POLR1B: variants seen among roughly 807,000 people sequenced by gnomAD.
POLR1B encodes the protein RNA polymerase I subunit B, also known as DNA-directed RNA polymerase I subunit RPA2.
Under a neutral mutation model 105.8 loss-of-function variants are expected in POLR1B, and 30 were observed. The ratio of observed to expected loss-of-function variants is 0.28; its 90% CI spans 0.21 to 0.38. The LOEUF (loss-of-function observed/expected upper bound fraction) is 0.38. POLR1B is among the 10% of genes least tolerant of loss of function. The pLI is 1.00. For missense variants in POLR1B, 976 were observed against 1,435.8 expected, an observed-to-expected ratio of 0.68 and a Z score of 5.17; for synonymous variants, 485 against 505.1, an observed-to-expected ratio of 0.96 and a Z score of 0.53.
At position 112,568,041 on chromosome 2, in the gene POLR1B, C is replaced by G; in HGVS notation, c.1821C>G (p.Tyr607Ter). Residue 607 changes from tyrosine (Y) to a stop codon, truncating the protein, a stop_gained, in exon 11 of 15, where the codon TAC becomes TAG. Transcript: ENST00000263331. LOFTEE classifies it high-confidence loss of function. ...LIPMTGKPSL[Y>*]PGLFLFTTPC... ...CCATGACAGGAAAACCAAGTCTGTACCCAGGATTGTTCCTTTTTACCACTC... is the reference window on the plus strand; with the variant it reads ...CCATGACAGGAAAACCAAGTCTGTAGCCAGGATTGTTCCTTTTTACCACTC... 2 of 1,614,042 alleles carry G rather than the reference C, an allele frequency of 1.2e-6. No homozygotes were observed. Among genetic ancestry groups the G allele is most frequent in the Non-Finnish European group, 1.7e-6 (2 of 1,179,886 alleles).
rs1265668626 is a variant in POLR1B, at chr2:112,542,558, C to T, written c.64C>T (p.Pro22Ser). 3.7e-6 allele frequency: 6 copies of T among 1,614,064 alleles called. No individual in the cohort carries two copies. In the African/African-American group the frequency reaches 8.0e-5, roughly 22 times the overall value. ...GCCTAGCCTAAAGCACTTGACTGAC[C>T]CCTCTTATGGAATCCCGCGGGAACA... ...SGPSLKHLTD[P>S]SYGIPREQQK... Residue 22 changes from proline (P) to serine (S), a missense_variant, in exon 1 of 15, where the codon CCC becomes TCC. Pro to Ser is a moderately conservative substitution (Grantham distance 74, BLOSUM62 -1). Coordinates refer to ENST00000263331, the MANE Select transcript of POLR1B (RefSeq NM_019014.6).
rs923794611 is a variant in POLR1B at position 112,568,973 on chromosome 2, T to C, written c.2074+71T>C. On this transcript the variant is annotated intron_variant, in intron 12 of 14. Transcript: ENST00000263331. Reference sequence around the variant, plus strand: ...TTGATACTAGCACACTCTTTTATTGTCCTTATTTACATATGCTGACCATTT... The same window carrying C: ...TTGATACTAGCACACTCTTTTATTGCCCTTATTTACATATGCTGACCATTT... 10 of 1,454,074 alleles carry C rather than the reference T, an allele frequency of 6.9e-6. No individual in the cohort carries two copies. The African/African-American group carries it at 1.1e-4, about 16-fold the overall frequency. 90.1% of individuals were successfully genotyped at this position (1,454,074 alleles called of 1,614,324 possible).
At chr2:112,563,895 T>G (rs1684141520) in intron 9 of POLR1B, among the ~76,000 whole-genome samples, 1 of 152,118 alleles carries the variant, frequency 6.6e-6, no homozygotes, top group African/African-American at 2.4e-5. Flanking sequence ...AGACCCTGTC[T>G]CAAAAATAAA....
At chr2:112,560,059 C>G (rs182265401) in intron 9 of POLR1B, among the ~76,000 whole-genome samples, 1 of 151,524 alleles carries the variant, frequency 6.6e-6, no homozygotes, top group Non-Finnish European at 1.5e-5. Context: ...TGTAGAAGGC[C>G]GAATGCATTC....
At position 112,547,166 on chromosome 2, in the gene POLR1B, G is replaced by T; in HGVS notation, c.332G>T (p.Arg111Leu). The T allele has an allele frequency of 6.2e-7, 1 of 1,614,094 alleles. No homozygotes were observed. Among genetic ancestry groups the T allele is most frequent in the Non-Finnish European group, 8.5e-7 (1 of 1,180,004 alleles). ...AECRGRRSTY[R>L]GKLTADINWA... is the part of the protein sequence containing the mutation. ...TGCCGGGGCCGAAGGAGTACCTACC[G>T]TGGGAAGTTGACAGTGAGTACTAGT... Residue 111 changes from arginine to leucine, a missense_variant, in exon 2 of 15, where the codon CGT (arginine) becomes CTT (leucine). By Grantham distance (102) the Arg-to-Leu change is moderately radical (BLOSUM62 -2). Coordinates refer to ENST00000263331, the MANE Select transcript of POLR1B (RefSeq NM_019014.6).
chr2:112,562,654 G>T (rs1684050233), intron 9 of POLR1B, among the ~76,000 whole-genome samples: 2 of 151,846 alleles, frequency 1.3e-5, no homozygotes, highest in South Asian at 4.1e-4. Flanking sequence ...TCTTGCCTCA[G>T]TGTTGCTGGC....
In POLR1B at chr2:112,547,683, A is replaced by G. The variant is rs113021426; in HGVS notation, c.492+116A>G. ...TCCAATTTCTGGATAGGTGAAAGAG[A>G]TATCAGTATCTTGCCTGCATACAGT... On this transcript the variant is annotated intron_variant, in intron 3 of 14. Coordinates refer to ENST00000263331, the MANE Select transcript of POLR1B (RefSeq NM_019014.6). 9.3e-6 allele frequency: 11 copies of G among 1,178,292 alleles called. 1 individual carries two copies. In the African/African-American group the frequency reaches 1.1e-4, roughly 12 times the overall value. The allele number at this position is 1,178,292 out of a possible 1,614,324, so 73.0% of individuals were successfully genotyped here. A position where few individuals can be genotyped will look rare whatever the true frequency, so the allele number is the denominator to read the frequency against.
At chr2:112,573,461 G>T in intron 13 of POLR1B, 101 bp from the exon 14 acceptor site, 1 of 1,394,248 alleles carries the variant, frequency 7.2e-7, no homozygotes, top group Non-Finnish European at 9.7e-7. Context: ...AAGTTAAAAT[G>T]TGATGCCAGT....
At chr2:112,547,958 G>A (rs1444403025) in intron 3 of POLR1B, among the ~76,000 whole-genome samples, 2 of 151,922 alleles carry the variant, frequency 1.3e-5, no homozygotes, top group Non-Finnish European at 1.5e-5. Flanking sequence ...AGGCTGAGGC[G>A]GGAGCATCAG....
At chr2:112,572,150 C>T (rs959747989) in intron 12 of POLR1B, among the ~76,000 whole-genome samples, 25 of 152,210 alleles carry the variant, frequency 1.6e-4, no homozygotes, top group African/African-American at 5.8e-4. Flanking sequence ...AGAAAGTAAT[C>T]TAATTACGTA....
chr2:112,547,516 C>G lies in POLR1B; in HGVS notation c.441C>G (p.Asn147Lys). Residue 147 changes from asparagine to lysine, a missense_variant, in exon 3 of 15, where the codon AAC becomes AAG. Around this residue, in one of 12 missense-constraint regions of POLR1B, gnomAD observed 452 missense variants for 616.5 expected, o/e 0.73. Coordinates refer to ENST00000263331, the MANE Select transcript of POLR1B (RefSeq NM_019014.6). ...TCATGGTGAAATCCAAGCTTTGCAA[C>G]TTACGTAACCTTCCCCCACAAGCCC... ...VPIMVKSKLC[N>K]LRNLPPQALI... The G allele has an allele frequency of 1.9e-6, 3 of 1,614,172 alleles. No homozygotes were observed. Among genetic ancestry groups the G allele is most frequent in the Non-Finnish European group, 2.5e-6 (3 of 1,180,030 alleles).
At chr2:112,559,630 C>A (rs1683859300) in intron 9 of POLR1B, 56 bp downstream of exon 9, 1 of 1,565,464 alleles carries the variant, frequency 6.4e-7, no homozygotes, top group South Asian at 1.2e-5. Flanking sequence ...TTTTTGTGTT[C>A]TTTTTGTTTG....
intron 14 of POLR1B, among the ~76,000 whole-genome samples, chr2:112,574,327 TG>T (rs1316114601): frequency 6.6e-6 from 1 of 152,228 alleles, no homozygotes; most frequent in African/African-American, 2.4e-5. Context: ...CAGTTGCTTT[TG>T]TTGCTAGTTT....
At position 112,579,729 on chromosome 2, in the gene POLR1B, T is replaced by G. The variant is rs1685013970; in HGVS notation, c.*4000T>G. 6.6e-6 allele frequency: 1 copy of G among 152,276 alleles called. No individual in the cohort carries two copies. The highest frequency in any genetic ancestry group is 2.1e-4 in the South Asian group (1 of 4,836). The allele number at this position is 152,276 out of a possible 1,614,324, so 9.4% of individuals were successfully genotyped here. On this transcript the variant is annotated 3_prime_UTR_variant, in exon 15 of 15. Transcript: ENST00000263331. ...TGTGTATCTTCAGTGAAATGTCTGC[T>G]GTTCATTTTTTAATTGGATTGTTTG...
At chr2:112,552,886 C>G (rs1300107491) in intron 7 of POLR1B, 70 bp downstream of exon 7, 2 of 1,315,538 alleles carry the variant, frequency 1.5e-6, no homozygotes, top group African/African-American at 3.0e-5. Context: ...TGTCCAGCAG[C>G]ACTGTTTTCT....
chr2:112,556,397 A>G (rs553904830), intron 7 of POLR1B, among the ~76,000 whole-genome samples: 54 of 152,350 alleles, frequency 3.5e-4, no homozygotes, highest in African/African-American at 1.2e-3. Flanking sequence ...TCATTGTAAC[A>G]TTTTATAAAA....
chr2:112,569,823 G>A (rs543996644), intron 12 of POLR1B, among the ~76,000 whole-genome samples: 7 of 151,904 alleles, frequency 4.6e-5, no homozygotes, highest in African/African-American at 1.7e-4. Flanking sequence ...GCCTCCCAAA[G>A]TGCTGTATTA....
chr2:112,562,851 G>A (rs1265682509), intron 9 of POLR1B, among the ~76,000 whole-genome samples: 1 of 149,560 alleles, frequency 6.7e-6, no homozygotes, highest in Non-Finnish European at 1.5e-5. Flanking sequence ...TCAGCCTTGC[G>A]AGTAGCCGGG....
intron 12 of POLR1B, among the ~76,000 whole-genome samples, chr2:112,569,562 CTTT>C (rs1290911320): frequency 2.8e-5 from 4 of 140,556 alleles, no homozygotes; most frequent in Admixed American, 7.1e-5. Flanking sequence ...TAGTGTGTTT[CTTT>C]TTTTTTTTTT....
Sources: gnomAD v4.1 joint callset for allele counts (sites outside exome capture counted in the v4.1 genomes callset) on GRCh38, gnomAD v4.1.1 for gene constraint, gnomAD v4.1.1 regional missense constraint, MANE v1.5 for transcripts, NCBI Gene and HGNC (gene_info 2026-07-23, HGNC 2026-07-21) for gene names.